Variants in PSMD13 observed in about 807,000 individuals in gnomAD.
PSMD13 encodes proteasome 26S subunit, non-ATPase 13, also known as 26S proteasome non-ATPase regulatory subunit 13.
PSMD13 carries 8 observed loss-of-function variants against 57.4 expected under a neutral mutation model. That is an observed-to-expected ratio of 0.14 (90% CI 0.08 to 0.25). PSMD13 has a LOEUF of 0.25. PSMD13 is among the 10% of genes least tolerant of loss of function. PSMD13 has a pLI of 1.00. For missense variants in PSMD13, 400 were observed against 461.5 expected (o/e 0.87, Z 1.22); for synonymous variants, 193 against 168.2 (o/e 1.15, Z -1.14).
Position 245,719 on chromosome 11 carries a change from T to C in PSMD13, c.396+958T>C, listed in dbSNP as rs76511481. 1.3e-3 allele frequency among the ~76,000 whole-genome samples: 138 copies of C among 109,966 alleles called. 1 individual carries two copies. The Middle Eastern group carries it at 0.019, about 15-fold the overall frequency. The allele number at this position is 109,966 out of a possible 152,430, so 72.1% of individuals were successfully genotyped here. A position where few individuals can be genotyped will look rare whatever the true frequency, so the allele number is the denominator to read the frequency against. On this transcript the variant is annotated intron_variant, in intron 6 of 12. Coordinates refer to ENST00000532097, the MANE Select transcript of PSMD13 (RefSeq NM_002817.4). Reference sequence around the variant, plus strand: ...TCGTGTGTTTGTGTGTGTTTGTGTGTGTGTGTTTGTGTGTGTGTGTGTTTG... The same window carrying C: ...TCGTGTGTTTGTGTGTGTTTGTGTGCGTGTGTTTGTGTGTGTGTGTGTTTG...
rs984353470 is a variant in PSMD13, at chr11:252,455, T to G, written c.1036-50T>G. Reference sequence around the variant, plus strand: ...CAGGTGCTGTGCCGGCCGCTCGGCCTGTGTCTCCTGCGTGTCTTAACGTCC... The same window carrying G: ...CAGGTGCTGTGCCGGCCGCTCGGCCGGTGTCTCCTGCGTGTCTTAACGTCC... On this transcript the variant is annotated intron_variant, in intron 12 of 12. Transcript: ENST00000532097. The surrounding 1 kb of genome is among the most constrained non-coding windows in gnomAD (Gnocchi z 4.1). The G allele has an allele frequency of 3.2e-6, 5 of 1,579,896 alleles. No individual in the cohort carries two copies. Among genetic ancestry groups the G allele is most frequent in the Non-Finnish European group, 4.4e-6 (5 of 1,149,422 alleles).
intron 7 of PSMD13, 150 bp from the exon 8 acceptor site, chr11:248,626 A>G (rs929225732): frequency 3.4e-5 from 25 of 725,058 alleles, no homozygotes; most frequent in African/African-American, 3.0e-4. Context: ...AGTCAACCCA[A>G]TACTTCAGAA....
In PSMD13 at chr11:237,103, G is replaced by C. The variant is rs1335656007; in HGVS notation, c.54G>C (p.Gln18His). The change falls in exon 1 of 13, where the codon CAG becomes CAC. Residue 18 changes from glutamine to histidine, a missense_variant. Physicochemically the swap from Gln to His is conservative, Grantham distance 24 (BLOSUM62 0). Coordinates refer to ENST00000532097, the MANE Select transcript of PSMD13 (RefSeq NM_002817.4). ...LQQSQNSGPG[Q>H]PAVWHRLEEL... ...AGAGCCAGAACTCCGGGCCCGGGCA[G>C]CCCGCTGTGTGGCACCGTCTGGAGG... 2 of 1,613,130 alleles carry C rather than the reference G, an allele frequency of 1.2e-6. No homozygotes were observed. Among genetic ancestry groups the C allele is most frequent in the Non-Finnish European group, 1.7e-6 (2 of 1,179,572 alleles).
intron 6 of PSMD13, among the ~76,000 whole-genome samples, chr11:246,535 T>A (rs1859651961): frequency 6.6e-6 from 1 of 152,174 alleles, no homozygotes; most frequent in Non-Finnish European, 1.5e-5. Context: ...TTTTTTTTAC[T>A]ATCACAAACA....
At chr11:237,763 T>A (rs1369292494) in intron 1 of PSMD13, among the ~76,000 whole-genome samples, 1 of 152,220 alleles carries the variant, frequency 6.6e-6, no homozygotes. Flanking sequence ...GATCTTAAAG[T>A]TTAGGTTTGT....
intron 4 of PSMD13, 86 bp downstream of exon 4, chr11:244,302 GTA>G: frequency 6.3e-7 from 1 of 1,584,424 alleles, no homozygotes; most frequent in South Asian, 1.2e-5. Flanking sequence ...TGTGTTTTCT[GTA>G]TCAGATATTA....
intron 6 of PSMD13, among the ~76,000 whole-genome samples, chr11:245,021 A>G (rs1450053781): frequency 2.0e-5 from 3 of 150,106 alleles, no homozygotes; most frequent in Admixed American, 6.7e-5. Context: ...GCCCACCGCA[A>G]CCTCCGCCTC....
At position 251,771 on chromosome 11, in the gene PSMD13, G is replaced by A; in HGVS notation, c.919-49G>A. 6.3e-7 allele frequency: 1 copy of A among 1,580,978 alleles called. No homozygotes were observed. The highest frequency in any genetic ancestry group is 8.7e-7 in the Non-Finnish European group (1 of 1,151,718). On this transcript the variant is annotated intron_variant, in intron 11 of 12. Coordinates refer to ENST00000532097, the MANE Select transcript of PSMD13 (RefSeq NM_002817.4). The surrounding 1 kb of genome is among the most constrained non-coding windows in gnomAD (Gnocchi z 4.6). ...TTCTCACAAGCCATCTGGGTCCATG[G>A]GGGTGTGTCAGGCTATCTTGTCTTA... is the stretch of plus-strand genomic sequence containing the variant.
Position 251,489 on chromosome 11 carries a change from A to G in PSMD13, c.838-57A>G. On this transcript the variant is annotated intron_variant, in intron 10 of 12. Transcript: ENST00000532097. This position sits in a 1 kb window ranked among gnomAD's most constrained non-coding sequence, Gnocchi z 4.6. ...CCAATATTGACAAAACATCCTTATC[A>G]GTTCTCTATTTTTATTTGGAAAAAT... 1 of 1,404,630 alleles carries G rather than the reference A, an allele frequency of 7.1e-7. No homozygotes were observed. Among genetic ancestry groups the G allele is most frequent in the Non-Finnish European group, 9.9e-7 (1 of 1,009,220 alleles). The allele number at this position is 1,404,630 out of a possible 1,614,324, so 87.0% of individuals were successfully genotyped here.
At chr11:240,101 CTTTTTTTTTTTT>C (rs60869932) in intron 2 of PSMD13, among the ~76,000 whole-genome samples, 1 of 51,412 alleles carries the variant, frequency 1.9e-5, no homozygotes, top group Non-Finnish European at 3.4e-5. Context: ...ATGAGACCTG[CTTTTTTTTTTTT>C]TTTTTTTTTT....
intron 6 of PSMD13, among the ~76,000 whole-genome samples, 196 bp downstream of exon 6, chr11:244,957 T>A (rs1213185058): frequency 3.4e-5 from 5 of 148,860 alleles, no homozygotes; most frequent in Admixed American, 2.0e-4. Flanking sequence ...TTTTTTTTTT[T>A]AAAGACGGAG....
intron 1 of PSMD13, 72 bp downstream of exon 1, chr11:237,216 C>A: frequency 6.9e-7 from 1 of 1,441,420 alleles, no homozygotes; most frequent in Non-Finnish European, 9.5e-7. Flanking sequence ...GGCGGAGGAG[C>A]GGACCCTTGA....
chr11:245,939 G>A (rs1859638750), intron 6 of PSMD13, among the ~76,000 whole-genome samples: 1 of 152,058 alleles, frequency 6.6e-6, no homozygotes, highest in Non-Finnish European at 1.5e-5. Flanking sequence ...AGGCATCCAT[G>A]TGCCCCAACC....
At chr11:238,923 G>C in intron 1 of PSMD13, 75 bp from the exon 2 acceptor site, 1 of 1,358,622 alleles carries the variant, frequency 7.4e-7, no homozygotes, top group Non-Finnish European at 1.1e-6. Flanking sequence ...TTTGTGACTT[G>C]ATAGAATCAT....
Position 252,421 on chromosome 11 carries a change from TC to T in PSMD13, c.1036-83del. The T allele has an allele frequency of 7.9e-7, 1 of 1,259,024 alleles. No homozygotes were observed. The highest frequency in any genetic ancestry group is 1.2e-5 in the South Asian group (1 of 82,100). The allele number at this position is 1,259,024 out of a possible 1,614,324, so 78.0% of individuals were successfully genotyped here. Reference sequence around the variant, plus strand: ...TAGAGAGTTAGCTGGAGATGTAGAGTCACCCCATCAGGTGCTGTGCCGGCCG... The same window carrying T: ...TAGAGAGTTAGCTGGAGATGTAGAGTACCCCATCAGGTGCTGTGCCGGCCG... On this transcript the variant is annotated intron_variant, in intron 12 of 12. Transcript: ENST00000532097. The surrounding 1 kb of genome is among the most constrained non-coding windows in gnomAD (Gnocchi z 4.1).
At chr11:250,493 T>A (rs1407772319) in intron 9 of PSMD13, among the ~76,000 whole-genome samples, 2 of 151,834 alleles carry the variant, frequency 1.3e-5, no homozygotes, top group Non-Finnish European at 2.9e-5. Context: ...ACCAGGAGAG[T>A]CTTCTCGAAA....
At position 244,180 on chromosome 11, in the gene PSMD13, G is replaced by A. The variant is rs770191941; in HGVS notation, c.229G>A (p.Val77Met). ...FEHRVNPLSL[V>M]EIILHVVRQM... ...TTTCAGGGTGAACCCTTTGTCCCTCGTGGAAATCATTCTTCATGTAGTTAG... is the reference window on the plus strand; with the variant it reads ...TTTCAGGGTGAACCCTTTGTCCCTCATGGAAATCATTCTTCATGTAGTTAG... Residue 77 changes from valine to methionine, a missense_variant, in exon 4 of 13, where the codon GTG (valine) becomes ATG (methionine). Val to Met is a conservative substitution (Grantham distance 21, BLOSUM62 1). Coordinates refer to ENST00000532097, the MANE Select transcript of PSMD13 (RefSeq NM_002817.4). 49 of 1,609,920 alleles carry A rather than the reference G, an allele frequency of 3.0e-5. No individual in the cohort carries two copies. Among genetic ancestry groups the A allele is most frequent in the Non-Finnish European group, 3.7e-5 (44 of 1,177,024 alleles).
chr11:250,074 T>C (rs1254876908), intron 9 of PSMD13, among the ~76,000 whole-genome samples: 1 of 152,174 alleles, frequency 6.6e-6, no homozygotes, highest in Non-Finnish European at 1.5e-5. Context: ...TGGCAGCATC[T>C]ATTCAGGCAG....
At chr11:240,303 G>T (rs1304039664) in intron 2 of PSMD13, among the ~76,000 whole-genome samples, 1 of 151,872 alleles carries the variant, frequency 6.6e-6, no homozygotes, top group Non-Finnish European at 1.5e-5. Context: ...TAGAGATGGG[G>T]TTTCACCAGT....
Sources: gnomAD v4.1 joint callset for allele counts (sites outside exome capture counted in the v4.1 genomes callset) on GRCh38, gnomAD v4.1.1 for gene constraint, Gnocchi (gnomAD v3.1) non-coding constraint, MANE v1.5 for transcripts, NCBI Gene and HGNC (gene_info 2026-07-23, HGNC 2026-07-21) for gene names.